KHDRBS3: variants seen among roughly 807,000 people sequenced by gnomAD.
The protein encoded by KHDRBS3 is KH RNA binding domain containing, signal transduction associated 3.
Under a neutral mutation model 45.6 loss-of-function variants are expected in KHDRBS3, and 23 were observed. That is an observed-to-expected ratio of 0.50 (90% CI 0.36 to 0.72). The LOEUF (loss-of-function observed/expected upper bound fraction) is 0.72. KHDRBS3 is among the 30% of genes least tolerant of loss of function. KHDRBS3 has a pLI of 0.00. For missense variants in KHDRBS3, 352 were observed against 424.8 expected (o/e 0.83, Z 1.51); for synonymous variants, 162 against 156.5 (o/e 1.04, Z -0.26).
At chr8:135,482,494 T>C (rs1478633085) in intron 1 of KHDRBS3, among the ~76,000 whole-genome samples, 1 of 152,192 alleles carries the variant, frequency 6.6e-6, no homozygotes, top group Non-Finnish European at 1.5e-5. Context: ...TCATGTTCTC[T>C]GAAATAATTC....
intron 7 of KHDRBS3, among the ~76,000 whole-genome samples, chr8:135,628,935 T>C (rs1379240296): frequency 1.3e-5 from 2 of 152,218 alleles, no homozygotes; most frequent in African/African-American, 2.4e-5. Context: ...GTTTCATCCC[T>C]AGAAGTCTTT....
intron 2 of KHDRBS3, among the ~76,000 whole-genome samples, chr8:135,537,226 C>T (rs73373314): frequency 2.6e-5 from 4 of 152,124 alleles, no homozygotes; most frequent in African/African-American, 9.6e-5. Context: ...GCTATGGTGG[C>T]GGAGTTTCCA....
At chr8:135,530,894 C>T (rs1307290870) in intron 2 of KHDRBS3, among the ~76,000 whole-genome samples, 2 of 152,170 alleles carry the variant, frequency 1.3e-5, no homozygotes, top group Non-Finnish European at 2.9e-5. Flanking sequence ...TAATTTAGAA[C>T]ACTATCACCC....
chr8:135,645,268 G>T (rs1224939697), intron 8 of KHDRBS3, 151 bp downstream of exon 8: 5 of 625,960 alleles, frequency 8.0e-6, no homozygotes, highest in Non-Finnish European at 1.3e-5. Flanking sequence ...TATTTTTAGG[G>T]CTCCTTTATT....
intron 1 of KHDRBS3, 144 bp downstream of exon 1, chr8:135,458,098 C>T (rs1260360356): frequency 2.2e-6 from 3 of 1,389,548 alleles, no homozygotes; most frequent in African/African-American, 1.5e-5. Flanking sequence ...GTCGTTTGCA[C>T]GGGGACCTGG....
At chr8:135,607,078 C>A in intron 7 of KHDRBS3, 41 bp downstream of exon 7, 1 of 1,436,760 alleles carries the variant, frequency 7.0e-7, no homozygotes, top group African/African-American at 1.4e-5. Context: ...CAACAGAAAC[C>A]ATCCCCTTCC....
At chr8:135,469,351 C>T (rs931434103) in intron 1 of KHDRBS3, among the ~76,000 whole-genome samples, 1 of 152,124 alleles carries the variant, frequency 6.6e-6, no homozygotes, top group Non-Finnish European at 1.5e-5. Flanking sequence ...GTGGCGCGAT[C>T]TCGGCTCACT....
chr8:135,608,740 C>T (rs544761758), intron 7 of KHDRBS3, among the ~76,000 whole-genome samples: 1 of 152,274 alleles, frequency 6.6e-6, no homozygotes, highest in East Asian at 1.9e-4. Flanking sequence ...GCAATTTTGT[C>T]ATTGTGTGAA....
intron 7 of KHDRBS3, among the ~76,000 whole-genome samples, chr8:135,630,245 T>A (rs1184003834): frequency 6.6e-6 from 1 of 152,214 alleles, no homozygotes; most frequent in African/African-American, 2.4e-5. Context: ...TTCAGCAGAC[T>A]GACTCCCTGG....
At position 135,509,299 on chromosome 8, in the gene KHDRBS3, A is replaced by G. The variant is rs147073550; in HGVS notation, c.89-11938A>G. 7.2e-3 allele frequency among the ~76,000 whole-genome samples: 1,093 copies of G among 152,200 alleles called. 11 individuals carry two copies. Among genetic ancestry groups the G allele is most frequent in the Middle Eastern group, 0.02 (6 of 294 alleles). On this transcript the variant is annotated intron_variant, in intron 1 of 8. Transcript: ENST00000355849. ...TTTGGTATCTGGGGAAACAAGCAAA[A>G]CCTTTGAGAGTCGGACAATGCTGGA... is the stretch of plus-strand genomic sequence containing the variant.
intron 1 of KHDRBS3, among the ~76,000 whole-genome samples, chr8:135,481,530 A>C (rs763270051): frequency 6.6e-6 from 1 of 152,094 alleles, no homozygotes; most frequent in Non-Finnish European, 1.5e-5. Flanking sequence ...CTGTGTATGC[A>C]CGGTGCTTGA....
chr8:135,519,965 T>A (rs1237453919), intron 1 of KHDRBS3, among the ~76,000 whole-genome samples: 6 of 152,216 alleles, frequency 3.9e-5, no homozygotes, highest in Admixed American at 3.9e-4. Context: ...CTTTCTTACT[T>A]GTTTTTCTGA....
chr8:135,612,632 G>A (rs1055723222), intron 7 of KHDRBS3, among the ~76,000 whole-genome samples: 1 of 151,836 alleles, frequency 6.6e-6, no homozygotes, highest in Non-Finnish European at 1.5e-5. Flanking sequence ...TTGAAAGTAC[G>A]TGCAATGCTA....
intron 1 of KHDRBS3, among the ~76,000 whole-genome samples, chr8:135,481,272 A>T (rs1406712445): frequency 2.3e-5 from 1 of 44,404 alleles, no homozygotes; most frequent in Non-Finnish European, 3.7e-5. Context: ...CCTTCTGTGT[A>T]CTTTTTTTTT....
chr8:135,473,525 G>A (rs1419536094), intron 1 of KHDRBS3, among the ~76,000 whole-genome samples: 1 of 152,156 alleles, frequency 6.6e-6, no homozygotes, highest in Non-Finnish European at 1.5e-5. Flanking sequence ...ATTCTAGACA[G>A]ATATACACTT....
At chr8:135,553,889 A>C (rs1357051588) in intron 4 of KHDRBS3, among the ~76,000 whole-genome samples, 1 of 152,168 alleles carries the variant, frequency 6.6e-6, no homozygotes, top group Non-Finnish European at 1.5e-5. Context: ...TTAAAATGAT[A>C]ATTTAAAATG....
At chr8:135,518,973 C>T (rs1824767689) in intron 1 of KHDRBS3, among the ~76,000 whole-genome samples, 1 of 152,092 alleles carries the variant, frequency 6.6e-6, no homozygotes, top group Non-Finnish European at 1.5e-5. Flanking sequence ...TAAAGGTACT[C>T]TTCTATTTCT....
downstream of KHDRBS3, among the ~76,000 whole-genome samples, chr8:135,652,491 C>T (rs1167169417): frequency 6.6e-6 from 1 of 152,228 alleles, no homozygotes; most frequent in African/African-American, 2.4e-5. Flanking sequence ...CATGCTCTGA[C>T]CCCAGCCCAC....
intron 6 of KHDRBS3, among the ~76,000 whole-genome samples, chr8:135,596,804 A>G (rs1828991986): frequency 6.6e-6 from 1 of 152,204 alleles, no homozygotes; most frequent in South Asian, 2.1e-4. Context: ...ACAGAGCTGG[A>G]GAAAGAACTA....
Sources: gnomAD v4.1 joint callset for allele counts (sites outside exome capture counted in the v4.1 genomes callset) on GRCh38, gnomAD v4.1.1 for gene constraint, MANE v1.5 for transcripts, NCBI Gene and HGNC (gene_info 2026-07-23, HGNC 2026-07-21) for gene names.